Variants in DPP3 observed in about 807,000 individuals in gnomAD.
DPP3 encodes the protein DPP III.
Under a neutral mutation model 89.8 loss-of-function variants are expected in DPP3, and 64 were observed. The observed-to-expected ratio is 0.71, with a 90% CI of 0.58 to 0.88. DPP3 has a LOEUF of 0.88. Ranked by LOEUF, DPP3 falls within the 40% of genes least tolerant of loss-of-function variation. The probability of loss-of-function intolerance (pLI) is 0.00; values close to 1 mark genes in which losing one functional copy is unlikely to be tolerated. For synonymous variants in DPP3, 377 were observed against 404.3 expected, an observed-to-expected ratio of 0.93 and a Z score of 0.81; for missense variants, 835 against 972.5, an observed-to-expected ratio of 0.86 and a Z score of 1.88.
In DPP3 at chr11:66,491,498, A is replaced by G. The variant is rs140484665; in HGVS notation, c.803A>G (p.Tyr268Cys). Residue 268 changes from tyrosine (Y) to cysteine (C), a missense_variant, in exon 8 of 18, where the codon TAT (tyrosine) becomes TGT (cysteine). Physicochemically the swap from Tyr to Cys is radical, Grantham distance 194. Coordinates refer to ENST00000531863, the MANE Select transcript of DPP3 (RefSeq NM_130443.4). Reference protein sequence around the residue: ...VVEQLEKAKAYAANSHQGQML... With the variant: ...VVEQLEKAKACAANSHQGQML... ...ACCGACCCCCGCTCACCTCAGGCCT[A>G]TGCAGCCAACAGCCACCAGGGGCAG... is the stretch of plus-strand genomic sequence containing the variant. 1.2e-4 allele frequency: 187 copies of G among 1,608,050 alleles called. No individual in the cohort carries two copies. In the African/African-American group the frequency reaches 2.4e-3, roughly 20 times the overall value.
Position 66,504,645 on chromosome 11 carries a change from C to G in DPP3, c.1912C>G (p.Arg638Gly). The G allele has an allele frequency of 6.2e-7, 1 of 1,612,602 alleles. No individual in the cohort carries two copies. Among genetic ancestry groups the G allele is most frequent in the Non-Finnish European group, 8.5e-7 (1 of 1,179,394 alleles). The part of the protein sequence containing the change: ...LKSTGDVAGG[R>G]ALYEGYATVT... Reference sequence around the variant, plus strand: ...GTCCACAGGGGATGTGGCCGGAGGGCGGGCCCTGTACGAGGGGTATGCAAC... The same window carrying G: ...GTCCACAGGGGATGTGGCCGGAGGGGGGGCCCTGTACGAGGGGTATGCAAC... The change falls in exon 17 of 18, where the codon CGG becomes GGG. Residue 638 changes from arginine to glycine, a missense_variant. Physicochemically the swap from Arg to Gly is moderately radical, Grantham distance 125. Coordinates refer to ENST00000531863, the MANE Select transcript of DPP3 (RefSeq NM_130443.4).
At chr11:66,498,207 C>A (rs1392746714) in intron 16 of DPP3, among the ~76,000 whole-genome samples, 4 of 152,192 alleles carry the variant, frequency 2.6e-5, no homozygotes, top group African/African-American at 9.7e-5. Context: ...CATTCTCCTG[C>A]CTCTGCCTCC....
intron 16 of DPP3, among the ~76,000 whole-genome samples, chr11:66,497,823 C>T (rs1464754707): frequency 1.3e-5 from 2 of 150,320 alleles, no homozygotes; most frequent in East Asian, 2.0e-4. Context: ...CCTGAGGGGT[C>T]GAGGCTGCAG....
Position 66,497,313 on chromosome 11 carries a change from C to G in DPP3, c.1714C>G (p.Arg572Gly). 6.2e-7 allele frequency: 1 copy of G among 1,613,790 alleles called. No homozygotes were observed. The highest frequency in any genetic ancestry group is 8.5e-7 in the Non-Finnish European group (1 of 1,179,960). ...GCTCCGGCAGGCCCATATGCAGGCC[C>G]GGTTTGTGATCCTGAGAGTCTTGCT... ...FNWRQAHMQA[R>G]FVILRVLLEA... is the part of the protein sequence containing the mutation. Residue 572 changes from arginine (R) to glycine (G), a missense_variant, in exon 16 of 18, where the codon CGG (arginine) becomes GGG (glycine). Coordinates refer to ENST00000531863, the MANE Select transcript of DPP3 (RefSeq NM_130443.4).
Position 66,487,341 on chromosome 11 carries a change from A to G in DPP3, c.572A>G (p.Gln191Arg). 2 of 1,613,918 alleles carry G rather than the reference A, an allele frequency of 1.2e-6. No homozygotes were observed. The highest frequency in any genetic ancestry group is 1.7e-6 in the Non-Finnish European group (2 of 1,179,896). Residue 191 changes from glutamine to arginine, a missense_variant and splice_region_variant, in exon 5 of 18, where the codon CAG becomes CGG. Transcript: ENST00000531863. ...AKLAQDFLDS[Q>R]NLSAYNTRLF... ...TTGGCCCAGGACTTTCTGGACTCACAGGTTTGGGGTTAGGGGAGCTCAAGG... is the reference window on the plus strand; with the variant it reads ...TTGGCCCAGGACTTTCTGGACTCACGGGTTTGGGGTTAGGGGAGCTCAAGG...
chr11:66,486,684 C>T lies in DPP3; in HGVS notation c.498+7C>T. The T allele has an allele frequency of 6.7e-7, 1 of 1,497,612 alleles. No individual in the cohort carries two copies. Among genetic ancestry groups the T allele is most frequent in the Non-Finnish European group, 8.9e-7 (1 of 1,121,236 alleles). The allele number at this position is 1,497,612 out of a possible 1,614,324, so 92.8% of individuals were successfully genotyped here. Reference sequence around the variant, plus strand: ...CCTCGGACTGGGGAAGGAGGTGAGGCCCCTGACTCCCCCGAGGGGACAGGG... The same window carrying T: ...CCTCGGACTGGGGAAGGAGGTGAGGTCCCTGACTCCCCCGAGGGGACAGGG... On this transcript the variant is annotated splice_region_variant and intron_variant, in intron 4 of 17. Transcript: ENST00000531863.
Position 66,504,772 on chromosome 11 carries a change from AAGGTAATG to A in DPP3, c.2041+10_2041+17del. ...ATTGTTCAGCCCAACACTCGCCTTGAAGGTAATGAGGTAATGAGGGAGCTCTTGAGCTC... is the reference window on the plus strand; with the variant it reads ...ATTGTTCAGCCCAACACTCGCCTTGAAGGTAATGAGGGAGCTCTTGAGCTC... On this transcript the variant is annotated splice_donor_variant and splice_donor_5th_base_variant and coding_sequence_variant and intron_variant, in exon 17 of 18. Transcript: ENST00000531863. LOFTEE classifies it high-confidence loss of function. 1.8e-5 allele frequency: 29 copies of A among 1,609,488 alleles called. No homozygotes were observed. Among genetic ancestry groups the A allele is most frequent in the Non-Finnish European group, 2.5e-5 (29 of 1,177,906 alleles).
intron 17 of DPP3, 24 bp from the exon 18 acceptor site, chr11:66,509,055 G>GTT: frequency 6.2e-7 from 1 of 1,611,936 alleles, no homozygotes; most frequent in South Asian, 1.1e-5. Flanking sequence ...TTTCCCTGCT[G>GTT]TTTTCTCTCC....
intron 4 of DPP3, 88 bp downstream of exon 4, chr11:66,486,765 A>G: frequency 7.1e-7 from 1 of 1,411,600 alleles, no homozygotes; most frequent in Non-Finnish European, 9.3e-7. Context: ...CGGGATGGGG[A>G]GGCAGTGGGC....
chr11:66,502,163 G>A (rs901693569), intron 16 of DPP3, among the ~76,000 whole-genome samples: 1 of 152,134 alleles, frequency 6.6e-6, no homozygotes, highest in African/African-American at 2.4e-5. Context: ...CTGCGCTCCA[G>A]CCTGGCAACA....
intron 15 of DPP3, among the ~76,000 whole-genome samples, chr11:66,496,882 C>G (rs905239191): frequency 2.0e-5 from 3 of 152,130 alleles, no homozygotes; most frequent in African/African-American, 7.2e-5. Flanking sequence ...CATCTGTAAA[C>G]TGGGGATAAT....
chr11:66,484,140 G>A (rs1312059167), intron 2 of DPP3, among the ~76,000 whole-genome samples: 2 of 152,080 alleles, frequency 1.3e-5, no homozygotes, highest in African/African-American at 2.4e-5. Flanking sequence ...ACCACGCCCA[G>A]CTAATTTCTG....
At position 66,480,451 on chromosome 11, in the gene DPP3, G is replaced by A; in HGVS notation, c.-23G>A. 2 of 1,488,438 alleles carry A rather than the reference G, an allele frequency of 1.3e-6. 1 individual carries two copies. The highest frequency in any genetic ancestry group is 2.5e-5 in the South Asian group (2 of 78,742). 92.2% of individuals were successfully genotyped at this position (1,488,438 alleles called of 1,614,324 possible). A position where few individuals can be genotyped will look rare whatever the true frequency, so the allele number is the denominator to read the frequency against. ...GAAGCAGGAAGTGAGTTTGCGAACG[G>A]AGCAGCTGCTGCAGGTGAGGCGCGG... On this transcript the variant is annotated 5_prime_UTR_variant, in exon 1 of 18. Transcript: ENST00000531863.
chr11:66,493,817 A>G (rs2134734607), intron 12 of DPP3, among the ~76,000 whole-genome samples, 184 bp downstream of exon 12: 1 of 152,304 alleles, frequency 6.6e-6, no homozygotes, highest in South Asian at 2.1e-4. Context: ...AGGAGCTCAG[A>G]TGCCTGGATG....
intron 6 of DPP3, among the ~76,000 whole-genome samples, chr11:66,488,371 G>A (rs1387616016): frequency 6.6e-6 from 1 of 152,186 alleles, no homozygotes; most frequent in Non-Finnish European, 1.5e-5. Context: ...AGACCAGCCT[G>A]GCCAACATGG....
At position 66,492,669 on chromosome 11, in the gene DPP3, G is replaced by T. The variant is rs761320504; in HGVS notation, c.989-47G>T. 3.3e-6 allele frequency: 5 copies of T among 1,528,534 alleles called. No individual in the cohort carries two copies. In the East Asian group the frequency reaches 1.1e-4, roughly 35 times the overall value. The allele number at this position is 1,528,534 out of a possible 1,614,324, so 94.7% of individuals were successfully genotyped here. A position where few individuals can be genotyped will look rare whatever the true frequency, so the allele number is the denominator to read the frequency against. On this transcript the variant is annotated intron_variant, in intron 9 of 17. Transcript: ENST00000531863. Reference sequence around the variant, plus strand: ...ATGGCTGGAGTAGGGTGAAGTGGGAGCCCTCCTGGAACCCTGCCAAGCCAC... The same window carrying T: ...ATGGCTGGAGTAGGGTGAAGTGGGATCCCTCCTGGAACCCTGCCAAGCCAC...
At chr11:66,501,315 G>T (rs375458147) in intron 16 of DPP3, among the ~76,000 whole-genome samples, 1 of 151,724 alleles carries the variant, frequency 6.6e-6, no homozygotes, top group Non-Finnish European at 1.5e-5. Flanking sequence ...AGCCATGATC[G>T]TGCTGCTGCA....
chr11:66,482,163 A>C, intron 1 of DPP3, 30 bp from the exon 2 acceptor site: 3 of 1,610,682 alleles, frequency 1.9e-6, no homozygotes, highest in Admixed American at 1.7e-5. Context: ...TGGGGTAAAC[A>C]ACAGCTGTGA....
rs187278008 is a variant in DPP3 at position 66,509,346 on chromosome 11, G to T, written c.*95G>T. 1.3e-6 allele frequency: 2 copies of T among 1,546,232 alleles called. No homozygotes were observed. The highest frequency in any genetic ancestry group is 1.7e-6 in the Non-Finnish European group (2 of 1,146,910). On this transcript the variant is annotated 3_prime_UTR_variant, in exon 18 of 18. Coordinates refer to ENST00000531863, the MANE Select transcript of DPP3 (RefSeq NM_130443.4). ...ATTTAGGGGCTGGGGAGGGGGAGGG[G>T]CAGGAGCTTGGACCTTGGTACTACC... is the stretch of plus-strand genomic sequence containing the variant.
Sources: gnomAD v4.1 joint callset for allele counts (sites outside exome capture counted in the v4.1 genomes callset) on GRCh38, gnomAD v4.1.1 for gene constraint, MANE v1.5 for transcripts, NCBI Gene and HGNC (gene_info 2026-07-23, HGNC 2026-07-21) for gene names.